The following PTGES2 variants were observed in gnomAD, a reference collection of about 807,000 sequenced individuals.
PTGES2 encodes the protein prostaglandin E synthase 2.
In PTGES2, 35 loss-of-function variants were observed where a neutral mutation model predicts 44.5. That is an observed-to-expected ratio of 0.79 (90% CI 0.60 to 1.04). The LOEUF is 1.04. Ranked by LOEUF, PTGES2 falls within the 50% of genes least tolerant of loss-of-function variation. PTGES2 has a pLI of 0.00. For missense variants in PTGES2, 517 were observed against 521.4 expected (o/e 0.99, Z 0.08); for synonymous variants, 221 against 227.5 (o/e 0.97, Z 0.26).
chr9:128,127,919 G>A (rs1834701438), upstream of PTGES2: 2 of 455,122 alleles, frequency 4.4e-6, no homozygotes, highest in Admixed American at 4.3e-5. Context: ...GGCCCGCTCG[G>A]GAACGTTTGC....
rs574737432 is a variant in PTGES2, at chr9:128,121,107, G to A, written c.*38C>T. The A allele has an allele frequency of 2.6e-5, 40 of 1,558,504 alleles. No homozygotes were observed. The highest frequency in any genetic ancestry group is 1.9e-4 in the East Asian group (8 of 41,594). On this transcript the variant is annotated 3_prime_UTR_variant, in exon 7 of 7. Coordinates refer to ENST00000338961, the MANE Select transcript of PTGES2 (RefSeq NM_025072.7). ...GTGGCCCCAGGCCCTGGCAGCTGGC[G>A]TCTTCCGCTGCCTTCCCTCTGCTCT...
In PTGES2 at chr9:128,127,498, G is replaced by T. The variant is rs1834674745; in HGVS notation, c.220C>A (p.His74Asn). 1 of 1,384,096 alleles carries T rather than the reference G, an allele frequency of 7.2e-7. No individual in the cohort carries two copies. The highest frequency in any genetic ancestry group is 1.5e-5 in the African/African-American group (1 of 67,284). The allele number at this position is 1,384,096 out of a possible 1,614,324, so 85.7% of individuals were successfully genotyped here. Reference sequence around the variant, plus strand: ...GCGCGCAGGTGCCACCGCGCCGTGTGGTACAGCCCCAGGGCTCCCCCCAGG... The same window carrying T: ...GCGCGCAGGTGCCACCGCGCCGTGTTGTACAGCCCCAGGGCTCCCCCCAGG... ...LALGGALGLYHTARWHLRAQD... is the reference protein window; with the variant it reads ...LALGGALGLYNTARWHLRAQD... Residue 74 changes from histidine to asparagine, a missense_variant, in exon 1 of 7, where the codon CAC becomes AAC. His to Asn is a moderately conservative substitution (Grantham distance 68, BLOSUM62 1). Transcript: ENST00000338961.
upstream of PTGES2, chr9:128,127,746 G>A (rs566448968): frequency 2.4e-6 from 3 of 1,250,864 alleles, no homozygotes; most frequent in South Asian, 6.1e-5. Context: ...GCGGGCGGGC[G>A]CGCGAAACGA....
chr9:128,127,440 TG>T lies in PTGES2; in HGVS notation c.277del (p.Gln93SerfsTer10). On this transcript the variant is annotated frameshift_variant and splice_region_variant, in exon 1 of 7. Coordinates refer to ENST00000338961, the MANE Select transcript of PTGES2 (RefSeq NM_025072.7). LOFTEE classifies it high-confidence loss of function. ...QDLHAERSAA[Q>X]LSLSSRLQLT... ...ATCCCCGGCCGGGCCAGGCCTTACC[TG>T]CGCGGCTGAGCGCTCTGCGTGGAGG... 1 of 1,375,496 alleles carries T rather than the reference TG, an allele frequency of 7.3e-7. No individual in the cohort carries two copies. Among genetic ancestry groups the T allele is most frequent in the South Asian group, 1.8e-5 (1 of 55,866 alleles). The allele number at this position is 1,375,496 out of a possible 1,614,324, so 85.2% of individuals were successfully genotyped here.
At position 128,123,035 on chromosome 9, in the gene PTGES2, G is replaced by A; in HGVS notation, c.786C>T (p.Asp262=). The change falls in exon 5 of 7, where the codon GAC becomes GAT. Residue 262 remains aspartate, a synonymous_variant. Coordinates refer to ENST00000338961, the MANE Select transcript of PTGES2 (RefSeq NM_025072.7). The surrounding 1 kb of genome is among the most constrained non-coding windows in gnomAD (Gnocchi z 4.4). ...RTPTEALASF[D]YIVREGKFGA... ...CGAACTTGCCCTCGCGGACAATGTA[G>A]TCAAAGGACGCCAGAGCCTCGGTGG... 1 of 1,613,858 alleles carries A rather than the reference G, an allele frequency of 6.2e-7. No homozygotes were observed. The highest frequency in any genetic ancestry group is 8.5e-7 in the Non-Finnish European group (1 of 1,180,022).
chr9:128,127,204 A>AAC (rs1834656777), intron 1 of PTGES2, among the ~76,000 whole-genome samples: 1 of 150,326 alleles, frequency 6.7e-6, no homozygotes, highest in Non-Finnish European at 1.5e-5. Context: ...AAAAAAAAAA[A>AAC]AAAAAAAAAC....
At chr9:128,126,487 G>A (rs1233995999) in intron 1 of PTGES2, among the ~76,000 whole-genome samples, 1 of 152,302 alleles carries the variant, frequency 6.6e-6, no homozygotes, top group East Asian at 1.9e-4. Flanking sequence ...AGTGGGGAGA[G>A]AGGATGATGA....
chr9:128,123,971 G>C lies in PTGES2; in HGVS notation c.537-120C>G. On this transcript the variant is annotated intron_variant, in intron 3 of 6. Coordinates refer to ENST00000338961, the MANE Select transcript of PTGES2 (RefSeq NM_025072.7). The surrounding 1 kb of genome is among the most constrained non-coding windows in gnomAD (Gnocchi z 4.4). Reference sequence around the variant, plus strand: ...ACCAACAAAGGCTCTCCGGACTCTTGCAGTAAGAGGGATTTGGAGTAGATG... The same window carrying C: ...ACCAACAAAGGCTCTCCGGACTCTTCCAGTAAGAGGGATTTGGAGTAGATG... 1 of 1,135,990 alleles carries C rather than the reference G, an allele frequency of 8.8e-7. No homozygotes were observed. 70.4% of individuals were successfully genotyped at this position (1,135,990 alleles called of 1,614,324 possible).
upstream of PTGES2, chr9:128,127,967 TAG>T: frequency 2.2e-6 from 1 of 448,978 alleles, no homozygotes; most frequent in Non-Finnish European, 3.9e-6. Flanking sequence ...GGCTCTTGGG[TAG>T]TGACCCGGCC....
At chr9:128,122,194 C>T (rs1159313535) in intron 6 of PTGES2, among the ~76,000 whole-genome samples, 168 bp downstream of exon 6, 1 of 152,246 alleles carries the variant, frequency 6.6e-6, no homozygotes. Context: ...TCCTGGTCAT[C>T]TGTTTCTCTC....
chr9:128,127,211 A>AAAAAAAAAAAAAAAAAAAAAAAAAT, intron 1 of PTGES2, among the ~76,000 whole-genome samples: 1 of 150,988 alleles, frequency 6.6e-6, no homozygotes, highest in African/African-American at 2.4e-5. Context: ...AAAAAAAAAA[A>AAAAAAAAAAAAAAAAAAAAAAAAAT]AACCACGGTA....
At chr9:128,122,813 T>C in intron 5 of PTGES2, 121 bp downstream of exon 5, 2 of 1,039,848 alleles carry the variant, frequency 1.9e-6, no homozygotes, top group Non-Finnish European at 2.9e-6. Flanking sequence ...CCATAATGCG[T>C]TTCCCACCTG....
intron 1 of PTGES2, among the ~76,000 whole-genome samples, chr9:128,126,087 C>G (rs903851757): frequency 8.5e-5 from 13 of 152,224 alleles, no homozygotes; most frequent in Admixed American, 5.9e-4. Flanking sequence ...GTGGCAAGCT[C>G]CGCAGGAAAG....
chr9:128,125,244 C>T lies in PTGES2; in HGVS notation c.477G>A (p.Ser159=), dbSNP rs777952486. 1.1e-5 allele frequency: 18 copies of T among 1,574,776 alleles called. No individual in the cohort carries two copies. Among genetic ancestry groups the T allele is most frequent in the Admixed American group, 3.8e-5 (2 of 53,196 alleles). Residue 159 remains serine, a splice_region_variant and synonymous_variant, in exon 2 of 7, where the codon TCG becomes TCA. Transcript: ENST00000338961. The part of the protein sequence containing the change: ...PILVAQEGES[S]QQLNDSSVII... Reference sequence around the variant, plus strand: ...ATGCAGGGGGTTCCCTGGGGCTCACCGAGCTTTCTCCTTCCTGGGCCACCA... The same window carrying T: ...ATGCAGGGGGTTCCCTGGGGCTCACTGAGCTTTCTCCTTCCTGGGCCACCA...
In PTGES2 at chr9:128,127,641, G is replaced by T. The variant is rs1224763793; in HGVS notation, c.77C>A (p.Pro26His). ...CALAWRLGGRPQPLLPTQSRA... is the reference protein window; with the variant it reads ...CALAWRLGGRHQPLLPTQSRA... ...GCTCTGCGTGGGTAGCAGCGGCTGG[G>T]GGCGGCCTCCCAGCCTCCAGGCCAA... Residue 26 changes from proline to histidine, a missense_variant, in exon 1 of 7, where the codon CCC (proline) becomes CAC (histidine). Physicochemically the swap from Pro to His is moderately conservative, Grantham distance 77. Coordinates refer to ENST00000338961, the MANE Select transcript of PTGES2 (RefSeq NM_025072.7). 2 of 1,270,352 alleles carry T rather than the reference G, an allele frequency of 1.6e-6. No homozygotes were observed. Among genetic ancestry groups the T allele is most frequent in the African/African-American group, 1.6e-5 (1 of 64,370 alleles). 78.7% of individuals were successfully genotyped at this position (1,270,352 alleles called of 1,614,324 possible).
chr9:128,127,090 G>A (rs1230185393), intron 1 of PTGES2, among the ~76,000 whole-genome samples: 3 of 143,954 alleles, frequency 2.1e-5, no homozygotes, highest in Non-Finnish European at 3.0e-5. Context: ...GAGGCAGGAG[G>A]ATCCCTTCAA....
In PTGES2 at chr9:128,120,772, A is replaced by C; in HGVS notation, c.*373T>G. 3 of 224,210 alleles carry C rather than the reference A, an allele frequency of 1.3e-5. No individual in the cohort carries two copies. The highest frequency in any genetic ancestry group is 7.8e-5 in the South Asian group (1 of 12,844). The allele number at this position is 224,210 out of a possible 1,614,324, so 13.9% of individuals were successfully genotyped here. A position where few individuals can be genotyped will look rare whatever the true frequency, so the allele number is the denominator to read the frequency against. ...TGTCCCAGTCCCGGGAGGCTTGGGA[A>C]GAGTGGGAACCAGGGGAACCCAGGG... On this transcript the variant is annotated 3_prime_UTR_variant, in exon 7 of 7. Transcript: ENST00000338961.
intron 5 of PTGES2, 195 bp downstream of exon 5, chr9:128,122,739 G>GT (rs1488716658): frequency 2.1e-5 from 14 of 659,976 alleles, no homozygotes; most frequent in African/African-American, 1.8e-4. Flanking sequence ...CAGCCCTGCT[G>GT]TCCCCAGGGG....
chr9:128,126,392 G>A (rs569695293), intron 1 of PTGES2, among the ~76,000 whole-genome samples: 1 of 152,256 alleles, frequency 6.6e-6, no homozygotes, highest in Admixed American at 6.5e-5. Context: ...ACCTCTTCCT[G>A]TTTCAGCCTG....
Sources: allele counts gnomAD v4.1 joint callset (sites outside exome capture counted in the v4.1 genomes callset), GRCh38; gene constraint gnomAD v4.1.1; non-coding constraint Gnocchi (gnomAD v3.1); transcripts MANE v1.5; gene names NCBI Gene and HGNC (gene_info 2026-07-23, HGNC 2026-07-21).